SUGCT: variants seen among roughly 807,000 people sequenced by gnomAD.
SUGCT encodes the protein succinyl-CoA:glutarate-CoA transferase, also known as succinyl-CoA:glutarate CoA-transferase.
A neutral mutation model predicts 55.0 loss-of-function variants in SUGCT; 41 were observed. That is an observed-to-expected ratio of 0.74 (90% confidence interval 0.58 to 0.97). The LOEUF is 0.97. SUGCT is among the 50% of genes least tolerant of loss of function. The pLI is 0.00. For missense variants in SUGCT, 568 were observed against 547.8 expected, an observed-to-expected ratio of 1.04 and a Z score of -0.37; for synonymous variants, 187 against 200.4, an observed-to-expected ratio of 0.93 and a Z score of 0.56.
At chr7:40,760,939 T>G (rs997225578) in intron 13 of SUGCT, among the ~76,000 whole-genome samples, 1 of 152,224 alleles carries the variant, frequency 6.6e-6, no homozygotes, top group Non-Finnish European at 1.5e-5. Flanking sequence ...GTATAGATAG[T>G]TAATAAACTC....
the SUGCT span, among the ~76,000 whole-genome samples, chr7:40,951,172 C>T: frequency 6.6e-6 from 1 of 152,252 alleles, no homozygotes; most frequent in Non-Finnish European, 1.5e-5. Flanking sequence ...TCAACTTCTT[C>T]CTGGTTTAGT....
chr7:40,471,325 A>G (rs1790391859), intron 11 of SUGCT, among the ~76,000 whole-genome samples: 1 of 151,772 alleles, frequency 6.6e-6, no homozygotes. Flanking sequence ...TAAAAAAAGT[A>G]CTAAAATACT....
At chr7:40,300,902 TC>T (rs1187187797) in intron 8 of SUGCT, among the ~76,000 whole-genome samples, 2 of 152,210 alleles carry the variant, frequency 1.3e-5, no homozygotes, top group Non-Finnish European at 2.9e-5. Context: ...TTCTCAGTGT[TC>T]CTGTTCCTGT....
chr7:40,871,912 C>T, the SUGCT span, among the ~76,000 whole-genome samples: 6 of 152,170 alleles, frequency 3.9e-5, no homozygotes, highest in East Asian at 7.7e-4. Context: ...ATAACCTCCA[C>T]GTTCTAGACC....
the SUGCT span, among the ~76,000 whole-genome samples, chr7:40,895,947 T>C: frequency 6.6e-6 from 1 of 152,206 alleles, no homozygotes; most frequent in Admixed American, 6.5e-5. Context: ...AATTGAGATA[T>C]AGCTGTCTAC....
At chr7:40,346,304 A>G (rs1797301684) in intron 9 of SUGCT, among the ~76,000 whole-genome samples, 1 of 152,116 alleles carries the variant, frequency 6.6e-6, no homozygotes, top group African/African-American at 2.4e-5. Flanking sequence ...CTATGAATGT[A>G]TTTAATCTAT....
chr7:40,718,226 A>T (rs1156966715), intron 12 of SUGCT, among the ~76,000 whole-genome samples: 2 of 152,208 alleles, frequency 1.3e-5, no homozygotes, highest in Non-Finnish European at 2.9e-5. Flanking sequence ...TTTGTGTCTC[A>T]TATGTGTATT....
intron 12 of SUGCT, among the ~76,000 whole-genome samples, chr7:40,614,468 C>T (rs968437060): frequency 6.6e-6 from 1 of 152,108 alleles, no homozygotes; most frequent in African/African-American, 2.4e-5. Flanking sequence ...TTTCTTGCAG[C>T]ATCTCACAAA....
chr7:40,386,434 G>A (rs1417560028), intron 9 of SUGCT, among the ~76,000 whole-genome samples: 2 of 152,110 alleles, frequency 1.3e-5, no homozygotes, highest in African/African-American at 4.8e-5. Flanking sequence ...ATAGAACAAA[G>A]TATTCAGGTA....
intron 11 of SUGCT, among the ~76,000 whole-genome samples, chr7:40,466,349 A>G (rs1790110004): frequency 6.6e-6 from 1 of 152,180 alleles, no homozygotes; most frequent in Non-Finnish European, 1.5e-5. Context: ...GTTTCCCCAT[A>G]TACTCATTAC....
At chr7:40,506,102 T>A (rs1792574982) in intron 12 of SUGCT, among the ~76,000 whole-genome samples, 1 of 152,170 alleles carries the variant, frequency 6.6e-6, no homozygotes, top group Non-Finnish European at 1.5e-5. Flanking sequence ...TTTTTATGTG[T>A]GCATGGATTC....
intron 7 of SUGCT, among the ~76,000 whole-genome samples, chr7:40,245,674 G>A (rs1056524184): frequency 4.0e-5 from 6 of 149,776 alleles, no homozygotes; most frequent in South Asian, 2.1e-4. Context: ...TCCTGACCTC[G>A]TGATCCACCT....
Position 40,330,724 on chromosome 7 carries a change from A to G in SUGCT, c.816+13869A>G, listed in dbSNP as rs950312448. On this transcript the variant is annotated intron_variant, in intron 9 of 13. Coordinates refer to ENST00000335693, the MANE Select transcript of SUGCT (RefSeq NM_001193313.2). Reference sequence around the variant, plus strand: ...ACTTTATATCACTAAATGCGTGGCAAATACTTGGTTTGGGTAATTTCAGCC... The same window carrying G: ...ACTTTATATCACTAAATGCGTGGCAGATACTTGGTTTGGGTAATTTCAGCC... Among the ~76,000 whole-genome samples the G allele has an allele frequency of 2.5e-4, 38 of 152,118 alleles. 1 individual carries two copies. The highest frequency in any genetic ancestry group is 2.5e-3 in the Admixed American group (38 of 15,274).
intron 1 of SUGCT, among the ~76,000 whole-genome samples, chr7:40,168,600 A>C (rs1784530797): frequency 6.6e-6 from 1 of 152,172 alleles, no homozygotes; most frequent in South Asian, 2.1e-4. Context: ...TATCTGCTTG[A>C]CAGTTTTTAA....
At chr7:40,275,673 A>G (rs1331200877) in intron 8 of SUGCT, among the ~76,000 whole-genome samples, 2 of 152,182 alleles carry the variant, frequency 1.3e-5, no homozygotes, top group African/African-American at 4.8e-5. Context: ...TTTAGAGGTG[A>G]TGAAAATAAA....
chr7:41,010,302 C>T, the SUGCT span, among the ~76,000 whole-genome samples: 2 of 152,218 alleles, frequency 1.3e-5, no homozygotes, highest in South Asian at 2.1e-4. Flanking sequence ...CAATGAGCCA[C>T]GTAGATAGAC....
At chr7:40,342,298 A>T (rs1027857233) in intron 9 of SUGCT, among the ~76,000 whole-genome samples, 1 of 152,154 alleles carries the variant, frequency 6.6e-6, no homozygotes, top group Non-Finnish European at 1.5e-5. Context: ...TTACTCAGAA[A>T]CCTCTTTCTT....
intron 13 of SUGCT, among the ~76,000 whole-genome samples, chr7:40,789,834 C>G (rs1387198502): frequency 6.6e-6 from 1 of 152,106 alleles, no homozygotes; most frequent in African/African-American, 2.4e-5. Flanking sequence ...ATCTACTCCT[C>G]CTAAAACCCA....
At chr7:40,390,866 C>G (rs1224595938) in intron 9 of SUGCT, among the ~76,000 whole-genome samples, 2 of 152,296 alleles carry the variant, frequency 1.3e-5, no homozygotes, top group African/African-American at 4.8e-5. Flanking sequence ...AGGCATCACG[C>G]TACCTGACTT....
Sources: gnomAD v4.1 joint callset for allele counts (sites outside exome capture counted in the v4.1 genomes callset) on GRCh38, gnomAD v4.1.1 for gene constraint, MANE v1.5 for transcripts, NCBI Gene and HGNC (gene_info 2026-07-23, HGNC 2026-07-21) for gene names.